The following TSPAN33 variants were observed in gnomAD, a reference collection of about 807,000 sequenced individuals.
TSPAN33 encodes tetraspanin-33.
In TSPAN33, 27 loss-of-function variants were observed where a neutral mutation model predicts 34.8. The ratio of observed to expected loss-of-function variants is 0.78; its 90% CI spans 0.57 to 1.07. TSPAN33 has a LOEUF of 1.07. Ranked by LOEUF, TSPAN33 falls within the 50% of genes least tolerant of loss-of-function variation. The pLI is 0.00. For synonymous variants in TSPAN33, 119 were observed against 124.2 expected, an observed-to-expected ratio of 0.96 and a Z score of 0.28; for missense variants, 272 against 324.9, an observed-to-expected ratio of 0.84 and a Z score of 1.25.
At position 129,165,134 on chromosome 7, in the gene TSPAN33, A is replaced by T. The variant is rs1471930665; in HGVS notation, c.459+565A>T. ...GAAACTCTGTATCCATCAAACACTA[A>T]CTCCCCATTTCCTCTCTTGAATCTC... On this transcript the variant is annotated intron_variant, in intron 5 of 7. Transcript: ENST00000486685. This position sits in a 1 kb window ranked among gnomAD's most constrained non-coding sequence, Gnocchi z 4.5. 6.6e-6 allele frequency among the ~76,000 whole-genome samples: 1 copy of T among 151,748 alleles called. No homozygotes were observed. Among genetic ancestry groups the T allele is most frequent in the Non-Finnish European group, 1.5e-5 (1 of 67,960 alleles).
chr7:129,159,753 G>A (rs912864915), intron 1 of TSPAN33, among the ~76,000 whole-genome samples: 7 of 152,190 alleles, frequency 4.6e-5, no homozygotes, highest in Non-Finnish European at 4.4e-5. Flanking sequence ...GCAGTGCTGT[G>A]GGACAAGGCG....
At chr7:129,145,130 G>T in intron 1 of TSPAN33, 48 bp downstream of exon 1, 1 of 629,284 alleles carries the variant, frequency 1.6e-6, no homozygotes, top group Non-Finnish European at 2.9e-6. Flanking sequence ...CCCCCCGCGG[G>T]GTGGAAGGGT....
At chr7:129,160,463 G>A (rs1793031055) in intron 1 of TSPAN33, among the ~76,000 whole-genome samples, 1 of 152,212 alleles carries the variant, frequency 6.6e-6, no homozygotes, top group South Asian at 2.1e-4. Context: ...GTGGCCAAGG[G>A]AAGTAGGCAC....
intron 4 of TSPAN33, among the ~76,000 whole-genome samples, chr7:129,163,763 C>T (rs540638984): frequency 2.6e-5 from 4 of 152,136 alleles, no homozygotes; most frequent in South Asian, 2.1e-4. Flanking sequence ...GCCAGGAGTT[C>T]GAGTCCAGCC....
At chr7:129,159,236 T>A (rs1205346189) in intron 1 of TSPAN33, among the ~76,000 whole-genome samples, 1 of 152,024 alleles carries the variant, frequency 6.6e-6, no homozygotes, top group Non-Finnish European at 1.5e-5. Flanking sequence ...AATTTTTGTA[T>A]TTTTAGTAGA....
Position 129,164,550 on chromosome 7 carries a change from T to C in TSPAN33, c.440T>C (p.Ile147Thr), listed in dbSNP as rs1385770880. 2 of 1,613,798 alleles carry C rather than the reference T, an allele frequency of 1.2e-6. No homozygotes were observed. Among genetic ancestry groups the C allele is most frequent in the South Asian group, 1.1e-5 (1 of 91,052 alleles). ...YRDDLDLQNL[I>T]DFGQKKFSCC... Reference sequence around the variant, plus strand: ...GATGACTTGGATCTGCAGAACCTCATTGATTTTGGCCAGAAAAAGGTATGG... The same window carrying C: ...GATGACTTGGATCTGCAGAACCTCACTGATTTTGGCCAGAAAAAGGTATGG... Residue 147 changes from isoleucine to threonine, a missense_variant, in exon 5 of 8, where the codon ATT (isoleucine) becomes ACT (threonine). Ile to Thr is a moderately conservative substitution (Grantham distance 89). Coordinates refer to ENST00000486685, the MANE Select transcript of TSPAN33 (RefSeq NM_178562.5).
intron 1 of TSPAN33, among the ~76,000 whole-genome samples, chr7:129,158,235 AG>A (rs1025053512): frequency 3.9e-5 from 6 of 152,212 alleles, no homozygotes; most frequent in African/African-American, 1.2e-4. Context: ...ACATTTGCAA[AG>A]TTCCTTTGGC....
At chr7:129,156,199 A>G (rs1261230365) in intron 1 of TSPAN33, among the ~76,000 whole-genome samples, 1 of 152,200 alleles carries the variant, frequency 6.6e-6, no homozygotes, top group Non-Finnish European at 1.5e-5. Flanking sequence ...TCATTGTAAT[A>G]CTGGGGTTAT....
chr7:129,167,313 G>A lies in TSPAN33; in HGVS notation c.589-86G>A. 3 of 1,455,692 alleles carry A rather than the reference G, an allele frequency of 2.1e-6. No individual in the cohort carries two copies. Among genetic ancestry groups the A allele is most frequent in the Non-Finnish European group, 2.8e-6 (3 of 1,069,704 alleles). 90.2% of individuals were successfully genotyped at this position (1,455,692 alleles called of 1,614,324 possible). A position where few individuals can be genotyped will look rare whatever the true frequency, so the allele number is the denominator to read the frequency against. The stretch of plus-strand genomic sequence containing the variant: ...ATTCTCTGACAATTTAGGAGTTTGG[G>A]AAGGGTGGGAAGCCCATCAGCTAAG... On this transcript the variant is annotated intron_variant, in intron 6 of 7. Transcript: ENST00000486685. This position sits in a 1 kb window ranked among gnomAD's most constrained non-coding sequence, Gnocchi z 4.6.
chr7:129,166,187 T>G (rs10248653), intron 5 of TSPAN33, among the ~76,000 whole-genome samples: 151,593 of 152,210 alleles, frequency 1, 75,493 homozygotes, highest in Middle Eastern at 1. Flanking sequence ...TGATCTGCCC[T>G]CCTCGGCCTC....
At chr7:129,164,147 T>TA (rs377538149) in intron 4 of TSPAN33, among the ~76,000 whole-genome samples, 2 of 152,126 alleles carry the variant, frequency 1.3e-5, no homozygotes, top group African/African-American at 2.4e-5. Context: ...TACTTTCTGC[T>TA]AAAAAAATTA....
chr7:129,167,978 C>T lies in TSPAN33; in HGVS notation c.*104C>T. ...AAATGGAGATTTGGATTCCAGCCCC[C>T]CAGTGACAGCCCAGTGGGAAGAAGC... On this transcript the variant is annotated 3_prime_UTR_variant, in exon 8 of 8. Coordinates refer to ENST00000486685, the MANE Select transcript of TSPAN33 (RefSeq NM_178562.5). This position sits in a 1 kb window ranked among gnomAD's most constrained non-coding sequence, Gnocchi z 4.6. 1 of 1,500,188 alleles carries T rather than the reference C, an allele frequency of 6.7e-7. No homozygotes were observed. Among genetic ancestry groups the T allele is most frequent in the South Asian group, 1.3e-5 (1 of 75,954 alleles). 92.9% of individuals were successfully genotyped at this position (1,500,188 alleles called of 1,614,324 possible). A position where few individuals can be genotyped will look rare whatever the true frequency, so the allele number is the denominator to read the frequency against.
At chr7:129,152,286 A>G (rs1348638104) in intron 1 of TSPAN33, among the ~76,000 whole-genome samples, 1 of 152,256 alleles carries the variant, frequency 6.6e-6, no homozygotes, top group Non-Finnish European at 1.5e-5. Context: ...GAATGTTCAT[A>G]GCAATACTAT....
chr7:129,158,982 C>T (rs1793005302), intron 1 of TSPAN33, among the ~76,000 whole-genome samples: 1 of 151,560 alleles, frequency 6.6e-6, no homozygotes, highest in Non-Finnish European at 1.5e-5. Flanking sequence ...ATCTCTTGAC[C>T]TCATGATCCA....
chr7:129,166,004 T>G (rs1488867937), intron 5 of TSPAN33, among the ~76,000 whole-genome samples: 2 of 152,092 alleles, frequency 1.3e-5, no homozygotes, highest in Non-Finnish European at 2.9e-5. Context: ...TGGCGTGATC[T>G]TGGCCCACTG....
intron 5 of TSPAN33, 49 bp downstream of exon 5, chr7:129,164,618 A>C: frequency 6.6e-7 from 1 of 1,509,234 alleles, no homozygotes; most frequent in East Asian, 2.3e-5. Context: ...AGTGAATGTC[A>C]TCCCAAGAGA....
At position 129,168,039 on chromosome 7, in the gene TSPAN33, G is replaced by A; in HGVS notation, c.*165G>A. ...TGGGCAGAAGGCAGGGTGCACAGGTGGCTCCAGTCTCAGGAGGATGCGCCT... is the reference window on the plus strand; with the variant it reads ...TGGGCAGAAGGCAGGGTGCACAGGTAGCTCCAGTCTCAGGAGGATGCGCCT... On this transcript the variant is annotated 3_prime_UTR_variant, in exon 8 of 8. Coordinates refer to ENST00000486685, the MANE Select transcript of TSPAN33 (RefSeq NM_178562.5). 1 of 1,413,828 alleles carries A rather than the reference G, an allele frequency of 7.1e-7. No individual in the cohort carries two copies. Among genetic ancestry groups the A allele is most frequent in the Non-Finnish European group, 9.3e-7 (1 of 1,075,202 alleles). The allele number at this position is 1,413,828 out of a possible 1,614,324, so 87.6% of individuals were successfully genotyped here. A position where few individuals can be genotyped will look rare whatever the true frequency, so the allele number is the denominator to read the frequency against.
chr7:129,154,930 A>G (rs886343143), intron 1 of TSPAN33, among the ~76,000 whole-genome samples: 4 of 152,188 alleles, frequency 2.6e-5, no homozygotes, highest in Non-Finnish European at 5.9e-5. Context: ...AGAAAAAGAA[A>G]TGAATATATT....
intron 1 of TSPAN33, among the ~76,000 whole-genome samples, chr7:129,152,780 G>A (rs951261657): frequency 7.9e-5 from 12 of 151,694 alleles, no homozygotes; most frequent in Admixed American, 2.6e-4. Context: ...TAAGTGAACC[G>A]AACGCGGGTG....
Sources: gnomAD v4.1 joint callset for allele counts (sites outside exome capture counted in the v4.1 genomes callset) on GRCh38, gnomAD v4.1.1 for gene constraint, Gnocchi (gnomAD v3.1) non-coding constraint, MANE v1.5 for transcripts, NCBI Gene and HGNC (gene_info 2026-07-23, HGNC 2026-07-21) for gene names.